The following SNX29 variants were observed in gnomAD, a reference collection of about 807,000 sequenced individuals.
SNX29 encodes sorting nexin 29, also known as sorting nexin-29.
In SNX29, 78 loss-of-function variants were observed where a neutral mutation model predicts 102.1. The ratio of observed to expected loss-of-function variants is 0.76; its 90% CI spans 0.64 to 0.92. SNX29 has a LOEUF of 0.92. SNX29 is among the 40% of genes least tolerant of loss of function. SNX29 has a pLI of 0.00. For synonymous variants in SNX29, 580 were observed against 414.5 expected (o/e 1.40, Z -4.85); for missense variants, 1,280 against 1,061.7 (o/e 1.21, Z -2.86).
intron 16 of SNX29, chr16:12,374,632 C>G (rs2082806779): frequency 1.3e-5 from 2 of 152,154 alleles, no homozygotes. Context: ...GAGACCCTGA[C>G]AAAGTGAGTG....
chr16:12,343,732 G>T (rs112279763), intron 15 of SNX29, among the ~76,000 whole-genome samples: 3 of 150,528 alleles, frequency 2.0e-5, no homozygotes, highest in Non-Finnish European at 2.9e-5. Flanking sequence ...AGGGGCAGGG[G>T]CAGGGTCCTT....
intron 14 of SNX29, among the ~76,000 whole-genome samples, chr16:12,204,235 T>C (rs2076989567): frequency 6.6e-6 from 1 of 152,192 alleles, no homozygotes; most frequent in African/African-American, 2.4e-5. Context: ...TACCCTGGAC[T>C]TTTTGGTAAT....
chr16:12,364,161 T>TTGTTATGTTATGTTATGTTATGTTA lies in SNX29; in HGVS notation c.1899+7914_1899+7938dup, dbSNP rs56227162. On this transcript the variant is annotated intron_variant, in intron 16 of 20. Coordinates refer to ENST00000566228, the MANE Select transcript of SNX29 (RefSeq NM_032167.5). ...GTGTGCGCCACCAAGCCTGGCTTGTTTGTTATGTTATGTTATGTTATGTTA... is the reference window on the plus strand; with the variant it reads ...GTGTGCGCCACCAAGCCTGGCTTGTTTGTTATGTTATGTTATGTTATGTTATGTTATGTTATGTTATGTTATGTTA... 5.4e-3 allele frequency among the ~76,000 whole-genome samples: 752 copies of TTGTTATGTTATGTTATGTTATGTTA among 138,464 alleles called. 6 individuals carry two copies. The highest frequency in any genetic ancestry group is 0.012 in the Admixed American group (167 of 13,560). The allele number at this position is 138,464 out of a possible 152,430, so 90.8% of individuals were successfully genotyped here. A position where few individuals can be genotyped will look rare whatever the true frequency, so the allele number is the denominator to read the frequency against.
chr16:12,300,878 C>A (rs544506977), intron 15 of SNX29, among the ~76,000 whole-genome samples: 18 of 152,150 alleles, frequency 1.2e-4, no homozygotes, highest in Non-Finnish European at 1.6e-4. Flanking sequence ...CTCCCTATCC[C>A]AGTTGTGATC....
chr16:12,237,111 C>T (rs887152590), intron 14 of SNX29, among the ~76,000 whole-genome samples: 6 of 152,156 alleles, frequency 3.9e-5, no homozygotes, highest in African/African-American at 1.4e-4. Context: ...AGCAGTTGTA[C>T]CTGGGGGCAG....
intron 20 of SNX29, among the ~76,000 whole-genome samples, chr16:12,554,984 G>T (rs75814363): frequency 6.6e-6 from 1 of 151,732 alleles, no homozygotes; most frequent in Non-Finnish European, 1.5e-5. Flanking sequence ...TCAGTCAGCC[G>T]GAGCACCTTT....
intron 13 of SNX29, among the ~76,000 whole-genome samples, chr16:12,168,514 T>G (rs2076068814): frequency 6.6e-6 from 1 of 152,200 alleles, no homozygotes; most frequent in African/African-American, 2.4e-5. Flanking sequence ...CCCACCTCGT[T>G]ACATACCTCG....
intron 18 of SNX29, among the ~76,000 whole-genome samples, chr16:12,455,359 A>G (rs1340527912): frequency 1.3e-5 from 2 of 152,088 alleles, no homozygotes; most frequent in African/African-American, 2.4e-5. Context: ...GAGAACCTCC[A>G]GCATTCCTGG....
In SNX29 at chr16:12,048,413, G is replaced by C; in HGVS notation, c.541G>C (p.Asp181His). 1 of 1,613,882 alleles carries C rather than the reference G, an allele frequency of 6.2e-7. No homozygotes were observed. Among genetic ancestry groups the C allele is most frequent in the Non-Finnish European group, 8.5e-7 (1 of 1,179,854 alleles). The change falls in exon 7 of 21, where the codon GAT becomes CAT. Residue 181 changes from aspartate (D) to histidine (H), a missense_variant. Transcript: ENST00000566228. Reference sequence around the variant, plus strand: ...CTTTGCGATTAACATCGACAACAAGGATTTGAACGGGCAGAGTAAGTTTGC... The same window carrying C: ...CTTTGCGATTAACATCGACAACAAGCATTTGAACGGGCAGAGTAAGTTTGC... ...ILFAINIDNK[D>H]LNGQSKFAPT...
At chr16:12,116,932 G>A (rs2053734644) in intron 11 of SNX29, among the ~76,000 whole-genome samples, 1 of 152,040 alleles carries the variant, frequency 6.6e-6, no homozygotes, top group Non-Finnish European at 1.5e-5. Flanking sequence ...GTGCTTCAAC[G>A]AGGACGAACC....
intron 18 of SNX29, among the ~76,000 whole-genome samples, chr16:12,463,878 T>G (rs1403915127): frequency 6.7e-6 from 1 of 149,440 alleles, no homozygotes; most frequent in African/African-American, 2.5e-5. Context: ...AAAGTTGGCT[T>G]TCTCATCACA....
chr16:12,280,142 A>G (rs12919169), intron 15 of SNX29, among the ~76,000 whole-genome samples: 7,236 of 152,206 alleles, frequency 0.048, 336 homozygotes, highest in South Asian at 0.25. Context: ...GATTTATTTC[A>G]GTGTTTATGA....
chr16:12,071,835 C>CTT (rs773099136), intron 10 of SNX29, among the ~76,000 whole-genome samples: 2 of 152,330 alleles, frequency 1.3e-5, no homozygotes, highest in East Asian at 3.9e-4. Flanking sequence ...TTTGTATACT[C>CTT]TTTTATTTCA....
chr16:12,295,843 G>A (rs1244580377), intron 15 of SNX29, among the ~76,000 whole-genome samples: 1 of 151,802 alleles, frequency 6.6e-6, no homozygotes, highest in East Asian at 1.9e-4. Flanking sequence ...AGGGAGATGA[G>A]TCTTATAAAA....
chr16:12,244,363 C>T (rs1322201087), intron 14 of SNX29, among the ~76,000 whole-genome samples: 1 of 152,198 alleles, frequency 6.6e-6, no homozygotes, highest in Non-Finnish European at 1.5e-5. Context: ...AATCCCAGCA[C>T]TTTGGGAAGC....
intron 18 of SNX29, among the ~76,000 whole-genome samples, chr16:12,473,796 G>C (rs1441583058): frequency 6.6e-6 from 1 of 152,128 alleles, no homozygotes; most frequent in Non-Finnish European, 1.5e-5. Context: ...CACCAGTACC[G>C]TGGCAGTTTG....
intron 14 of SNX29, among the ~76,000 whole-genome samples, chr16:12,274,633 C>T (rs1295706590): frequency 6.6e-6 from 1 of 151,798 alleles, no homozygotes. Flanking sequence ...GCCTCCGAGG[C>T]TCAAGCGATC....
At chr16:12,563,539 C>T (rs2078850040) in intron 20 of SNX29, among the ~76,000 whole-genome samples, 1 of 152,192 alleles carries the variant, frequency 6.6e-6, no homozygotes, top group Non-Finnish European at 1.5e-5. Context: ...AGTTGTCTCC[C>T]ACCACTACCT....
At chr16:12,198,982 G>T (rs1009287366) in intron 13 of SNX29, among the ~76,000 whole-genome samples, 1 of 152,078 alleles carries the variant, frequency 6.6e-6, no homozygotes, top group Non-Finnish European at 1.5e-5. Flanking sequence ...CAGCAGGTGG[G>T]GTCCTGTCAT....
Sources: gnomAD v4.1 joint callset for allele counts (sites outside exome capture counted in the v4.1 genomes callset) on GRCh38, gnomAD v4.1.1 for gene constraint, MANE v1.5 for transcripts, NCBI Gene and HGNC (gene_info 2026-07-23, HGNC 2026-07-21) for gene names.